DIPK1C: variants seen among roughly 807,000 people sequenced by gnomAD.
DIPK1C encodes familial non-conventional Alzheimer's dementia.
A neutral mutation model predicts 28.0 loss-of-function variants in DIPK1C; 33 were observed. The observed-to-expected ratio is 1.18, with a 90% CI of 0.89 to 1.58. DIPK1C has a LOEUF of 1.58. Ranked by LOEUF, DIPK1C falls within the 40% of genes most tolerant of loss-of-function variation. The probability of loss-of-function intolerance (pLI) is 0.00; values close to 1 mark genes in which losing one functional copy is unlikely to be tolerated. For missense variants in DIPK1C, 569 were observed against 568.5 expected (o/e 1.00, Z -0.01); for synonymous variants, 255 against 248.8 (o/e 1.02, Z -0.23).
upstream of DIPK1C, among the ~76,000 whole-genome samples, chr18:74,458,272 T>A (rs1004554807): frequency 6.6e-6 from 1 of 152,170 alleles, no homozygotes; most frequent in Non-Finnish European, 1.5e-5. Flanking sequence ...CCGGGGCTCC[T>A]GCATTCACTG....
At chr18:74,438,908 A>T (rs1986057157) in intron 3 of DIPK1C, among the ~76,000 whole-genome samples, 1 of 152,192 alleles carries the variant, frequency 6.6e-6, no homozygotes, top group African/African-American at 2.4e-5. Flanking sequence ...CAATCACTAG[A>T]TGCTGCCCCT....
intron 1 of DIPK1C, among the ~76,000 whole-genome samples, chr18:74,450,667 T>G (rs1471627565): frequency 6.6e-6 from 1 of 152,156 alleles, no homozygotes; most frequent in Non-Finnish European, 1.5e-5. Flanking sequence ...AGAAGCCACC[T>G]CCTCTCTGCC....
At chr18:74,437,994 C>T (rs912321372) in intron 3 of DIPK1C, among the ~76,000 whole-genome samples, 2 of 152,174 alleles carry the variant, frequency 1.3e-5, no homozygotes, top group African/African-American at 4.8e-5. Context: ...TTGGTTCAAG[C>T]GATCCTCCTG....
At chr18:74,457,012 TC>T (rs1407305841) in intron 1 of DIPK1C, 49 bp downstream of exon 1, 2 of 1,362,228 alleles carry the variant, frequency 1.5e-6, no homozygotes, top group Non-Finnish European at 1.9e-6. Flanking sequence ...GCGGGTGTGA[TC>T]CCCCCTCCCC....
At chr18:74,446,197 C>T (rs1053388764) in intron 2 of DIPK1C, among the ~76,000 whole-genome samples, 2 of 152,256 alleles carry the variant, frequency 1.3e-5, no homozygotes, top group Non-Finnish European at 2.9e-5. Context: ...AGAGCAGCCT[C>T]TCCACACCGG....
At chr18:74,445,470 T>G (rs1986238999) in intron 2 of DIPK1C, among the ~76,000 whole-genome samples, 1 of 152,234 alleles carries the variant, frequency 6.6e-6, no homozygotes, top group South Asian at 2.1e-4. Flanking sequence ...TTCACAGGCA[T>G]GAGGGCATGC....
chr18:74,436,500 G>A lies in DIPK1C; in HGVS notation c.*1C>T, dbSNP rs1241152170. 6 of 1,595,368 alleles carry A rather than the reference G, an allele frequency of 3.8e-6. No individual in the cohort carries two copies. In the South Asian group the frequency reaches 5.7e-5, roughly 15 times the overall value. On this transcript the variant is annotated 3_prime_UTR_variant, in exon 4 of 4. Transcript: ENST00000343998. ...TGAGCATGTTTAAGGCCAGAGAGTG[G>A]CTACTTCTCTGCCTCCTGCAGCTCC...
intron 1 of DIPK1C, among the ~76,000 whole-genome samples, chr18:74,456,834 G>A (rs1986524726): frequency 6.6e-6 from 1 of 152,192 alleles, no homozygotes; most frequent in East Asian, 1.9e-4. Flanking sequence ...GGCGAATTCT[G>A]GCGAAAAGGG....
intron 1 of DIPK1C, among the ~76,000 whole-genome samples, chr18:74,455,728 AAAAAAAAGAAAAAG>A: frequency 1.3e-5 from 2 of 149,584 alleles, no homozygotes; most frequent in East Asian, 3.9e-4. Flanking sequence ...AACTCCATAA[AAAAAAAAGAAAAAG>A]AAAAAGAAAA....
intron 2 of DIPK1C, among the ~76,000 whole-genome samples, chr18:74,444,428 C>T (rs1189982240): frequency 6.6e-6 from 1 of 152,224 alleles, no homozygotes; most frequent in Non-Finnish European, 1.5e-5. Context: ...GGCAGCCCAG[C>T]AACCTGGGCT....
chr18:74,458,880 T>G (rs552269837), upstream of DIPK1C, among the ~76,000 whole-genome samples: 1 of 150,870 alleles, frequency 6.6e-6, no homozygotes, highest in Admixed American at 6.6e-5. Context: ...GCAATCCCAG[T>G]GTTTTGGGAG....
At chr18:74,448,369 C>T (rs1224189918) in intron 1 of DIPK1C, among the ~76,000 whole-genome samples, 1 of 152,210 alleles carries the variant, frequency 6.6e-6, no homozygotes, top group African/African-American at 2.4e-5. Context: ...CCTCGTTCCT[C>T]TAAGGGCATG....
At chr18:74,455,397 C>T (rs944965618) in intron 1 of DIPK1C, among the ~76,000 whole-genome samples, 8 of 152,178 alleles carry the variant, frequency 5.3e-5, no homozygotes, top group Middle Eastern at 3.4e-3. Flanking sequence ...TCTATCAGCA[C>T]TCCCTTCACA....
rs1986270009 is a variant in DIPK1C at position 74,446,700 on chromosome 18, A to C, written c.782T>G (p.Leu261Trp). The C allele has an allele frequency of 6.5e-7, 1 of 1,540,384 alleles. No homozygotes were observed. The highest frequency in any genetic ancestry group is 2.5e-5 in the East Asian group (1 of 40,644). The change falls in exon 2 of 4, where the codon TTG (leucine) becomes TGG (tryptophan). Residue 261 changes from leucine to tryptophan, a missense_variant. Coordinates refer to ENST00000343998, the MANE Select transcript of DIPK1C (RefSeq NM_001044369.3). ...KAISDIALSF[L>W]DMVNHFDSDF... ...ACTGTCAAAATGGTTCACCATGTCC[A>C]AGAAGCTGAGTGCGATGTCACTGAT... is the stretch of plus-strand genomic sequence containing the variant.
At position 74,436,682 on chromosome 18, in the gene DIPK1C, G is replaced by A. The variant is rs1053427697; in HGVS notation, c.1079C>T (p.Ala360Val). 1.1e-5 allele frequency: 17 copies of A among 1,613,628 alleles called. No individual in the cohort carries two copies. Among genetic ancestry groups the A allele is most frequent in the Admixed American group, 6.7e-5 (4 of 59,946 alleles). ...AGAGACCGCAGAGCTCTTGAGAGGC[G>A]CGGAAAACCAATGGCGAAATATTTT... Reference protein sequence around the residue: ...CDKIFRHWFSAPLKSSAVSFQ... With the variant: ...CDKIFRHWFSVPLKSSAVSFQ... The change falls in exon 4 of 4, where the codon GCG (alanine) becomes GTG (valine). Residue 360 changes from alanine (A) to valine (V), a missense_variant. By Grantham distance (64) the Ala-to-Val change is moderately conservative. Coordinates refer to ENST00000343998, the MANE Select transcript of DIPK1C (RefSeq NM_001044369.3).
chr18:74,464,349 C>T, the DIPK1C span, among the ~76,000 whole-genome samples: 1 of 152,228 alleles, frequency 6.6e-6, no homozygotes, highest in East Asian at 1.9e-4. Context: ...TCACACCCAA[C>T]ACCAGATTTT....
Position 74,447,080 on chromosome 18 carries a change from C to G in DIPK1C, c.402G>C (p.Glu134Asp). 1 of 1,550,480 alleles carries G rather than the reference C, an allele frequency of 6.4e-7. No homozygotes were observed. Among genetic ancestry groups the G allele is most frequent in the Non-Finnish European group, 8.7e-7 (1 of 1,146,944 alleles). The part of the protein sequence containing the change: ...SFPPLSLLEE[E>D]AGEGGQDMPE... ...GCATGTCCTGGCCACCCTCCCCTGC[C>G]TCCTCTTCCAACAGGCTGAGGGGCG... The change falls in exon 2 of 4, where the codon GAG (glutamate) becomes GAC (aspartate). Residue 134 changes from glutamate (E) to aspartate (D), a missense_variant. By Grantham distance (45) the Glu-to-Asp change is conservative. Coordinates refer to ENST00000343998, the MANE Select transcript of DIPK1C (RefSeq NM_001044369.3). The surrounding 1 kb of genome is among the most constrained non-coding windows in gnomAD (Gnocchi z 4.1).
chr18:74,443,488 G>A (rs1986190785), intron 2 of DIPK1C, among the ~76,000 whole-genome samples: 1 of 152,160 alleles, frequency 6.6e-6, no homozygotes, highest in South Asian at 2.1e-4. Context: ...AGTCTGGGAG[G>A]CACCTTTTGG....
In DIPK1C at chr18:74,447,066, C is replaced by T. The variant is rs1298203393; in HGVS notation, c.416G>A (p.Gly139Asp). The change falls in exon 2 of 4, where the codon GGC becomes GAC. Residue 139 changes from glycine (G) to aspartate (D), a missense_variant. Physicochemically the swap from Gly to Asp is moderately conservative, Grantham distance 94 (BLOSUM62 -1). Coordinates refer to ENST00000343998, the MANE Select transcript of DIPK1C (RefSeq NM_001044369.3). The surrounding 1 kb of genome is among the most constrained non-coding windows in gnomAD (Gnocchi z 4.1). The stretch of plus-strand genomic sequence containing the variant: ...GAGTTCGGCCTCGGGCATGTCCTGG[C>T]CACCCTCCCCTGCCTCCTCTTCCAA... The part of the protein sequence containing the change: ...SLLEEEAGEG[G>D]QDMPEAELLL... The T allele has an allele frequency of 6.5e-7, 1 of 1,550,244 alleles. No individual in the cohort carries two copies. Among genetic ancestry groups the T allele is most frequent in the Non-Finnish European group, 8.7e-7 (1 of 1,146,846 alleles).
Sources: gnomAD v4.1 joint callset for allele counts (sites outside exome capture counted in the v4.1 genomes callset) on GRCh38, gnomAD v4.1.1 for gene constraint, Gnocchi (gnomAD v3.1) non-coding constraint, MANE v1.5 for transcripts, NCBI Gene and HGNC (gene_info 2026-07-23, HGNC 2026-07-21) for gene names.